The following SLC39A10 variants were observed in gnomAD, a reference collection of about 807,000 sequenced individuals.
The protein encoded by SLC39A10 is solute carrier family 39 member 10.
In SLC39A10, 13 loss-of-function variants were observed where a neutral mutation model predicts 65.1. That is an observed-to-expected ratio of 0.20 (90% CI 0.13 to 0.32). SLC39A10 has a LOEUF of 0.32. Among genes scored for constraint, SLC39A10 ranks in the 10% least tolerant of loss-of-function variants. SLC39A10 has a pLI of 1.00. For synonymous variants in SLC39A10, 321 were observed against 342.2 expected (o/e 0.94, Z 0.68); for missense variants, 831 against 1,018.4 (o/e 0.82, Z 2.50).
chr2:195,678,947 T>A (rs1022298333), intron 1 of SLC39A10, among the ~76,000 whole-genome samples: 1 of 152,316 alleles, frequency 6.6e-6, no homozygotes, highest in South Asian at 2.1e-4. Context: ...AATTGGCTCT[T>A]ATTATATTTC....
At chr2:195,617,303 C>T (rs1477292792) in intron 2 of SLC39A10, among the ~76,000 whole-genome samples, 3 of 152,246 alleles carry the variant, frequency 2.0e-5, no homozygotes, top group Non-Finnish European at 2.9e-5. Context: ...TGGCTCATGC[C>T]TGTAATCCCA....
At chr2:195,730,283 C>T (rs1692392790) in intron 9 of SLC39A10, among the ~76,000 whole-genome samples, 1 of 152,024 alleles carries the variant, frequency 6.6e-6, no homozygotes, top group Non-Finnish European at 1.5e-5. Context: ...GACAGTTGGT[C>T]ATTCTCTTTT....
intron 2 of SLC39A10, among the ~76,000 whole-genome samples, chr2:195,628,123 C>G (rs1422833215): frequency 6.6e-6 from 1 of 152,168 alleles, no homozygotes; most frequent in Admixed American, 6.5e-5. Flanking sequence ...TACTATTCAT[C>G]ATCTGTAAGA....
chr2:195,703,406 A>G (rs115082735), intron 3 of SLC39A10, among the ~76,000 whole-genome samples: 2,552 of 152,258 alleles, frequency 0.017, 69 homozygotes, highest in African/African-American at 0.058. Context: ...TGTGCCCTCT[A>G]TGTTTTATAT....
At chr2:195,615,435 G>A (rs1241852488) in intron 2 of SLC39A10, among the ~76,000 whole-genome samples, 1 of 152,134 alleles carries the variant, frequency 6.6e-6, no homozygotes, top group Non-Finnish European at 1.5e-5. Context: ...AGTGCTGGGA[G>A]TATAGGTGTG....
At position 195,657,459 on chromosome 2, in the gene SLC39A10, G is replaced by A. The variant is rs993280971; in HGVS notation, c.-12+178G>A. 162 of 985,948 alleles carry A rather than the reference G, an allele frequency of 1.6e-4. No homozygotes were observed. In the African/African-American group the frequency reaches 2.7e-3, roughly 16 times the overall value. The allele number at this position is 985,948 out of a possible 1,614,324, so 61.1% of individuals were successfully genotyped here. A position where few individuals can be genotyped will look rare whatever the true frequency, so the allele number is the denominator to read the frequency against. On this transcript the variant is annotated intron_variant, in intron 1 of 9. Transcript: ENST00000359634. ...GTTCCCGCAGCTGCTGCAGTCGGCG[G>A]CGGCCAGCCGAAGCAGAGCGCGTGG... is the stretch of plus-strand genomic sequence containing the variant.
chr2:195,681,091 C>T, intron 2 of SLC39A10, 41 bp downstream of exon 2: 3 of 1,550,302 alleles, frequency 1.9e-6, no homozygotes, highest in East Asian at 4.5e-5. Flanking sequence ...TCGTAATTCT[C>T]ACATAATTGT....
chr2:195,660,487 C>T (rs1490562137), intron 1 of SLC39A10, among the ~76,000 whole-genome samples: 1 of 152,158 alleles, frequency 6.6e-6, no homozygotes, highest in East Asian at 1.9e-4. Flanking sequence ...TGCCCCCTAG[C>T]GTTTGATTCC....
intron 3 of SLC39A10, among the ~76,000 whole-genome samples, chr2:195,703,054 T>G (rs1049315730): frequency 1.6e-4 from 25 of 152,226 alleles, no homozygotes; most frequent in African/African-American, 6.0e-4. Flanking sequence ...TATTAAACTG[T>G]TAGAGGCTCT....
At chr2:195,619,074 C>T (rs143217658) in intron 2 of SLC39A10, among the ~76,000 whole-genome samples, 11,570 of 109,988 alleles carry the variant, frequency 0.11, 577 homozygotes, top group Middle Eastern at 0.26. Flanking sequence ...GCCTGGGCAA[C>T]AGAGCAAGAC....
chr2:195,695,718 C>A (rs1165352540), intron 3 of SLC39A10, among the ~76,000 whole-genome samples: 1 of 152,348 alleles, frequency 6.6e-6, no homozygotes, highest in East Asian at 1.9e-4. Flanking sequence ...GAGCTGCAAG[C>A]TATTCCAGCC....
chr2:195,635,312 C>T (rs1355922637), intron 2 of SLC39A10, among the ~76,000 whole-genome samples: 2 of 152,190 alleles, frequency 1.3e-5, no homozygotes, highest in East Asian at 3.8e-4. Context: ...TGTCATGTAT[C>T]TATTCCAGAA....
chr2:195,694,634 C>T (rs1238089110), intron 3 of SLC39A10, among the ~76,000 whole-genome samples: 2 of 152,164 alleles, frequency 1.3e-5, no homozygotes, highest in Non-Finnish European at 2.9e-5. Flanking sequence ...GATACCAGCA[C>T]CTGTTCTTGA....
intron 9 of SLC39A10, among the ~76,000 whole-genome samples, chr2:195,732,406 G>A (rs1405786289): frequency 6.6e-6 from 1 of 152,090 alleles, no homozygotes; most frequent in African/African-American, 2.4e-5. Context: ...CAGTATCAAA[G>A]CATTTTTATG....
chr2:195,729,603 C>A (rs1692367647), intron 9 of SLC39A10, among the ~76,000 whole-genome samples: 1 of 152,104 alleles, frequency 6.6e-6, no homozygotes, highest in Non-Finnish European at 1.5e-5. Context: ...AGAACTGATC[C>A]TCTCGTGCTG....
chr2:195,617,596 C>A (rs1327772506), intron 2 of SLC39A10, among the ~76,000 whole-genome samples: 1 of 151,880 alleles, frequency 6.6e-6, no homozygotes, highest in African/African-American at 2.4e-5. Context: ...GATGACCGAG[C>A]ATGGTGGCTC....
chr2:195,695,137 T>C (rs777163753), intron 3 of SLC39A10, among the ~76,000 whole-genome samples: 1 of 152,110 alleles, frequency 6.6e-6, no homozygotes, highest in Non-Finnish European at 1.5e-5. Flanking sequence ...TCAAGCCAGT[T>C]GGAGTTTTTC....
At chr2:195,707,964 T>C (rs1197536882) in intron 4 of SLC39A10, among the ~76,000 whole-genome samples, 1 of 152,224 alleles carries the variant, frequency 6.6e-6, no homozygotes, top group Non-Finnish European at 1.5e-5. Context: ...CATTTCATAA[T>C]GTTGAAACAT....
rs1691410837 is a variant in SLC39A10 at position 195,706,709 on chromosome 2, A to G, written c.1310A>G (p.Lys437Arg). 5.0e-6 allele frequency: 8 copies of G among 1,606,120 alleles called. No homozygotes were observed. Among genetic ancestry groups the G allele is most frequent in the Middle Eastern group, 1.7e-4 (1 of 6,054 alleles). ...CCTATCATTAACCAAGGATGCTTCA[A>G]ATTCCTTCTTACATTCCTTGTTGCA... is the stretch of plus-strand genomic sequence containing the variant. Reference protein sequence around the residue: ...LVPIINQGCFKFLLTFLVALA... With the variant: ...LVPIINQGCFRFLLTFLVALA... Residue 437 changes from lysine (K) to arginine (R), a missense_variant, in exon 4 of 10, where the codon AAA (lysine) becomes AGA (arginine). Around this residue, in one of 4 missense-constraint regions of SLC39A10, gnomAD observed 35 missense variants for 72.4 expected, o/e 0.48. Coordinates refer to ENST00000359634, the MANE Select transcript of SLC39A10 (RefSeq NM_020342.3).
Sources: allele counts gnomAD v4.1 joint callset (sites outside exome capture counted in the v4.1 genomes callset), GRCh38; gene constraint gnomAD v4.1.1; regional missense constraint gnomAD v4.1.1; transcripts MANE v1.5; gene names NCBI Gene and HGNC (gene_info 2026-07-23, HGNC 2026-07-21).